COL4A4: variants seen among roughly 807,000 people sequenced by gnomAD.
COL4A4 encodes collagen alpha-4(IV) chain.
In COL4A4, 105 loss-of-function variants were observed where a neutral mutation model predicts 192.9. That is an observed-to-expected ratio of 0.54 (90% CI 0.46 to 0.64). COL4A4 has a LOEUF of 0.64. COL4A4 is among the 30% of genes least tolerant of loss of function. COL4A4 has a pLI of 0.00. For missense variants in COL4A4, 1,967 were observed against 2,169.3 expected, an observed-to-expected ratio of 0.91 and a Z score of 1.85; for synonymous variants, 762 against 769.9, an observed-to-expected ratio of 0.99 and a Z score of 0.17.
At chr2:227,105,357 A>G (rs1260184414) in intron 12 of COL4A4, among the ~76,000 whole-genome samples, 1 of 151,678 alleles carries the variant, frequency 6.6e-6, no homozygotes, top group Non-Finnish European at 1.5e-5. Flanking sequence ...GTGCCCAGCT[A>G]ATTTTTGTAT....
chr2:226,982,176 C>A, the COL4A4 span, among the ~76,000 whole-genome samples: 1 of 152,262 alleles, frequency 6.6e-6, no homozygotes, highest in Non-Finnish European at 1.5e-5. Flanking sequence ...ATTCCCTCAG[C>A]CCTGCCCCTA....
chr2:227,070,874 A>ATAAT (rs2058680939), intron 25 of COL4A4, among the ~76,000 whole-genome samples: 1 of 133,318 alleles, frequency 7.5e-6, no homozygotes, highest in African/African-American at 3.0e-5. Flanking sequence ...TTAAAGTATA[A>ATAAT]TAATAAATAA....
At chr2:227,001,663 G>C (rs1181931663), downstream of COL4A4, among the ~76,000 whole-genome samples, 3 of 152,334 alleles carry the variant, frequency 2.0e-5, no homozygotes, top group East Asian at 5.8e-4. Flanking sequence ...ACTAGATGGT[G>C]ACTGTATGAC....
At chr2:227,049,644 C>G (rs757022795) in intron 34 of COL4A4, among the ~76,000 whole-genome samples, 3 of 152,264 alleles carry the variant, frequency 2.0e-5, no homozygotes, top group Non-Finnish European at 2.9e-5. Flanking sequence ...GCTTTAGCCT[C>G]TATGTCCTAA....
chr2:227,150,231 G>GC (rs1368068584), intron 1 of COL4A4, among the ~76,000 whole-genome samples: 3 of 152,118 alleles, frequency 2.0e-5, no homozygotes, highest in African/African-American at 7.2e-5. Flanking sequence ...GGGATAACTG[G>GC]CCTTGGGAAA....
At chr2:227,152,152 C>T (rs1224983855) in intron 1 of COL4A4, among the ~76,000 whole-genome samples, 1 of 152,214 alleles carries the variant, frequency 6.6e-6, no homozygotes, top group Non-Finnish European at 1.5e-5. Flanking sequence ...CACTGGCCCT[C>T]ATTCAGCCCC....
At chr2:227,107,622 C>T (rs1013677901) in intron 12 of COL4A4, among the ~76,000 whole-genome samples, 6 of 152,202 alleles carry the variant, frequency 3.9e-5, no homozygotes, top group Non-Finnish European at 8.8e-5. Context: ...TAAATCCCCA[C>T]ACCCAGTGTC....
chr2:226,994,890 T>A, the COL4A4 span, among the ~76,000 whole-genome samples: 10 of 152,332 alleles, frequency 6.6e-5, no homozygotes, highest in South Asian at 1.4e-3. Context: ...CATCTTTGTT[T>A]ACCTGCCCAG....
intron 22 of COL4A4, among the ~76,000 whole-genome samples, chr2:227,083,290 T>C (rs926797412): frequency 8.6e-5 from 13 of 152,034 alleles, no homozygotes; most frequent in African/African-American, 3.1e-4. Flanking sequence ...CCATTTCAAA[T>C]ACCATTATAG....
At chr2:227,042,642 C>T (rs1252336440) in intron 36 of COL4A4, among the ~76,000 whole-genome samples, 1 of 152,146 alleles carries the variant, frequency 6.6e-6, no homozygotes, top group East Asian at 1.9e-4. Context: ...CTATCTGGGC[C>T]AGACACAGTG....
chr2:227,086,383 C>T (rs1200760263), intron 22 of COL4A4, among the ~76,000 whole-genome samples: 1 of 152,036 alleles, frequency 6.6e-6, no homozygotes, highest in Non-Finnish European at 1.5e-5. Flanking sequence ...TTCCCTTCCT[C>T]CTTTCCCTTC....
chr2:226,981,064 C>T, the COL4A4 span, among the ~76,000 whole-genome samples: 1 of 152,102 alleles, frequency 6.6e-6, no homozygotes, highest in Non-Finnish European at 1.5e-5. Flanking sequence ...GCTGGATGGG[C>T]TTGTTTGTAA....
chr2:226,991,361 T>C, the COL4A4 span, among the ~76,000 whole-genome samples: 1 of 152,208 alleles, frequency 6.6e-6, no homozygotes, highest in Non-Finnish European at 1.5e-5. Context: ...TTTGTATTTT[T>C]AGTAGAGTCG....
At chr2:227,044,617 T>TAAA (rs113514608) in intron 35 of COL4A4, among the ~76,000 whole-genome samples, 2 of 150,954 alleles carry the variant, frequency 1.3e-5, no homozygotes, top group African/African-American at 2.4e-5. Context: ...ACTGAAATAT[T>TAAA]AAAAATAAAA....
chr2:227,087,862 G>T (rs73082207), intron 22 of COL4A4, among the ~76,000 whole-genome samples: 2,124 of 152,270 alleles, frequency 0.014, 60 homozygotes, highest in African/African-American at 0.048. Flanking sequence ...CTAACCTCCT[G>T]CCAGTTCCTT....
intron 3 of COL4A4, among the ~76,000 whole-genome samples, chr2:227,142,933 T>A (rs2063318422): frequency 6.6e-6 from 1 of 152,222 alleles, no homozygotes; most frequent in Non-Finnish European, 1.5e-5. Context: ...AGTTCCCTCC[T>A]ATACAGGATA....
rs760928999 is a variant in COL4A4, at chr2:227,114,735, C to A, written c.490-39G>T. 9.2e-5 allele frequency: 133 copies of A among 1,442,692 alleles called. 4 individuals are homozygous for A. The South Asian group carries it at 1.5e-3, about 16-fold the overall frequency. The allele number at this position is 1,442,692 out of a possible 1,614,324, so 89.4% of individuals were successfully genotyped here. A position where few individuals can be genotyped will look rare whatever the true frequency, so the allele number is the denominator to read the frequency against. ...ATGTATGTACTTAACAGGAAAATAGCATATTACCATTTCAGTATTTTCTTT... is the reference window on the plus strand; with the variant it reads ...ATGTATGTACTTAACAGGAAAATAGAATATTACCATTTCAGTATTTTCTTT... On this transcript the variant is annotated intron_variant, in intron 7 of 47. Coordinates refer to ENST00000396625, the MANE Select transcript of COL4A4 (RefSeq NM_000092.5).
At chr2:227,000,793 G>T (rs1465756866), downstream of COL4A4, among the ~76,000 whole-genome samples, 2 of 151,818 alleles carry the variant, frequency 1.3e-5, no homozygotes, top group Non-Finnish European at 2.9e-5. Context: ...TCGGTGGGAG[G>T]TCTCATGGAA....
Position 227,114,616 on chromosome 2 carries a change from C to G in COL4A4, c.558+12G>C, listed in dbSNP as rs2061392802. 2 of 1,612,154 alleles carry G rather than the reference C, an allele frequency of 1.2e-6. No individual in the cohort carries two copies. The highest frequency in any genetic ancestry group is 2.2e-5 in the South Asian group (2 of 91,032). On this transcript the variant is annotated intron_variant, in intron 8 of 47. Transcript: ENST00000396625. The stretch of plus-strand genomic sequence containing the variant: ...AAAAAATTTTTTAACCCATCATGAT[C>G]ATAATACTTACCTGAATACCTTTAA...
Sources: allele counts gnomAD v4.1 joint callset (sites outside exome capture counted in the v4.1 genomes callset), GRCh38; gene constraint gnomAD v4.1.1; transcripts MANE v1.5; gene names NCBI Gene and HGNC (gene_info 2026-07-23, HGNC 2026-07-21).